Variants in UQCRC2 observed in about 807,000 individuals in gnomAD.
The protein encoded by UQCRC2 is cytochrome b-c1 complex subunit 2, mitochondrial.
In UQCRC2, 49 loss-of-function variants were observed where a neutral mutation model predicts 55.6. That is an observed-to-expected ratio of 0.88 (90% confidence interval 0.70 to 1.12). The LOEUF is 1.12. Ranked by LOEUF, UQCRC2 falls within the 50% of genes most tolerant of loss-of-function variation. The pLI, the probability that UQCRC2 is intolerant of heterozygous loss-of-function variation, is 0.00. For synonymous variants in UQCRC2, 193 were observed against 192.0 expected, an observed-to-expected ratio of 1.01 and a Z score of -0.04; for missense variants, 506 against 547.8, an observed-to-expected ratio of 0.92 and a Z score of 0.76.
chr16:21,976,897 G>A (rs1898599623), intron 12 of UQCRC2: 1 of 152,118 alleles, frequency 6.6e-6, no homozygotes, highest in East Asian at 1.9e-4. Context: ...TCATTGGTGT[G>A]TCAAAATACA....
In UQCRC2 at chr16:21,962,514, T is replaced by C; in HGVS notation, c.387T>C (p.Asp129=). The C allele has an allele frequency of 6.2e-7, 1 of 1,614,174 alleles. No individual in the cohort carries two copies. The highest frequency in any genetic ancestry group is 8.5e-7 in the Non-Finnish European group (1 of 1,180,030). ...MAYTVECLRG[D]VDILMEFLLN... is the part of the protein sequence containing the mutation. ...ATACTGTGGAATGCCTGCGGGGTGA[T>C]GTGTAAGTACCTGTGTGTGTTTAGG... Residue 129 remains aspartate, a splice_region_variant and synonymous_variant, in exon 5 of 14, where the codon GAT becomes GAC. Coordinates refer to ENST00000268379, the MANE Select transcript of UQCRC2 (RefSeq NM_003366.4).
intron 8 of UQCRC2, among the ~76,000 whole-genome samples, chr16:21,970,442 C>T (rs950325034): frequency 6.6e-6 from 1 of 152,214 alleles, no homozygotes; most frequent in Non-Finnish European, 1.5e-5. Context: ...TCCACATCCT[C>T]ACCAACACTT....
chr16:21,977,338 A>G (rs1260446779), intron 12 of UQCRC2, among the ~76,000 whole-genome samples: 2 of 152,008 alleles, frequency 1.3e-5, no homozygotes, highest in African/African-American at 4.8e-5. Context: ...TGGGCAACAG[A>G]GCAAGACCCT....
intron 1 of UQCRC2, among the ~76,000 whole-genome samples, chr16:21,955,178 CAT>C (rs1276918762): frequency 6.6e-6 from 1 of 152,032 alleles, no homozygotes; most frequent in Non-Finnish European, 1.5e-5. Context: ...TTGCTATGCC[CAT>C]ATATCTTAAA....
At chr16:21,954,496 C>T (rs1898059262) in intron 1 of UQCRC2, among the ~76,000 whole-genome samples, 1 of 152,112 alleles carries the variant, frequency 6.6e-6, no homozygotes, top group African/African-American at 2.4e-5. Context: ...GAGGGAAGCA[C>T]GGTTAGATTG....
chr16:21,962,320 G>A (rs904458558), intron 4 of UQCRC2, 140 bp from the exon 5 acceptor site: 1 of 960,684 alleles, frequency 1.0e-6, no homozygotes, highest in African/African-American at 1.7e-5. Flanking sequence ...TGGTTAATAT[G>A]TGGAGTTTTG....
chr16:21,976,135 C>T lies in UQCRC2; in HGVS notation c.1048-32C>T, dbSNP rs777974970. The T allele has an allele frequency of 8.4e-6, 13 of 1,556,402 alleles. No homozygotes were observed. The South Asian group carries it at 1.3e-4, about 16-fold the overall frequency. ...TGCTGCAGGAGACTCTGGTACTGAC[C>T]ACAGATGACCAACTTTTCTTATCTG... On this transcript the variant is annotated intron_variant, in intron 11 of 13. Coordinates refer to ENST00000268379, the MANE Select transcript of UQCRC2 (RefSeq NM_003366.4).
At chr16:21,982,294 A>G (rs994433869) in intron 13 of UQCRC2, among the ~76,000 whole-genome samples, 1 of 152,178 alleles carries the variant, frequency 6.6e-6, no homozygotes, top group African/African-American at 2.4e-5. Flanking sequence ...CACCTGACTC[A>G]TGATACTACA....
chr16:21,968,190 C>T (rs1371252334), intron 7 of UQCRC2, among the ~76,000 whole-genome samples: 1 of 151,944 alleles, frequency 6.6e-6, no homozygotes, highest in Non-Finnish European at 1.5e-5. Flanking sequence ...TTAGTAGAGT[C>T]AGGATTTCGC....
Position 21,965,332 on chromosome 16 carries a change from G to C in UQCRC2, c.515-76G>C. 6 of 1,403,992 alleles carry C rather than the reference G, an allele frequency of 4.3e-6. No homozygotes were observed. The South Asian group carries it at 7.1e-5, about 17-fold the overall frequency. The allele number at this position is 1,403,992 out of a possible 1,614,324, so 87.0% of individuals were successfully genotyped here. On this transcript the variant is annotated intron_variant, in intron 6 of 13. Transcript: ENST00000268379. The stretch of plus-strand genomic sequence containing the variant: ...AAGATGACCAAATTTGTATAGGCTT[G>C]TTGCTTTCTAGGTTTTAAAAATGTT...
chr16:21,979,048 C>T (rs746599718), intron 12 of UQCRC2, among the ~76,000 whole-genome samples: 5 of 152,236 alleles, frequency 3.3e-5, no homozygotes, highest in African/African-American at 7.2e-5. Context: ...AAGCATTGAA[C>T]GGTATCCTCC....
chr16:21,971,288 ATAT>A (rs1367767857), intron 8 of UQCRC2, among the ~76,000 whole-genome samples: 3 of 152,204 alleles, frequency 2.0e-5, no homozygotes, highest in Non-Finnish European at 2.9e-5. Flanking sequence ...ATTGAAGATA[ATAT>A]TAACTACACA....
intron 13 of UQCRC2, among the ~76,000 whole-genome samples, chr16:21,981,405 G>A (rs188704190): frequency 7.2e-5 from 11 of 152,006 alleles, no homozygotes; most frequent in Admixed American, 6.6e-4. Flanking sequence ...TAGATGTCTC[G>A]GCCATCTTCT....
At chr16:21,982,975 A>AG in intron 13 of UQCRC2, 113 bp from the exon 14 acceptor site, 1 of 1,007,036 alleles carries the variant, frequency 9.9e-7, no homozygotes, top group East Asian at 2.6e-5. Flanking sequence ...AAAAAAAAAA[A>AG]AAAAAAAAGA....
At chr16:21,978,005 A>G (rs1269271453) in intron 12 of UQCRC2, among the ~76,000 whole-genome samples, 1 of 152,236 alleles carries the variant, frequency 6.6e-6, no homozygotes, top group Non-Finnish European at 1.5e-5. Flanking sequence ...TTTACTTAAG[A>G]AAAACCTAAG....
chr16:21,959,348 C>A, intron 4 of UQCRC2: 1 of 268,276 alleles, frequency 3.7e-6, no homozygotes, highest in South Asian at 3.8e-5. Context: ...GTGTTCACAG[C>A]ATCTTCAACC....
chr16:21,976,121 ACT>A, intron 11 of UQCRC2, 44 bp from the exon 12 acceptor site: 2 of 1,344,944 alleles, frequency 1.5e-6, no homozygotes, highest in South Asian at 1.2e-5. Flanking sequence ...GCTGCAGGAG[ACT>A]CTGGTACTGA....
chr16:21,973,823 A>G, intron 10 of UQCRC2, 73 bp from the exon 11 acceptor site: 1 of 1,428,026 alleles, frequency 7.0e-7, no homozygotes, highest in South Asian at 1.2e-5. Flanking sequence ...AGTTTTTTCT[A>G]GGCAAACTTA....
intron 1 of UQCRC2, among the ~76,000 whole-genome samples, chr16:21,953,862 C>A (rs963801041): frequency 3.5e-4 from 54 of 152,220 alleles, no homozygotes; most frequent in African/African-American, 1.3e-3. Context: ...CGTCAGTTTC[C>A]CCAGCGAATA....
Sources: allele counts gnomAD v4.1 joint callset (sites outside exome capture counted in the v4.1 genomes callset), GRCh38; gene constraint gnomAD v4.1.1; transcripts MANE v1.5; gene names NCBI Gene and HGNC (gene_info 2026-07-23, HGNC 2026-07-21).